The following KCNIP4 variants were observed in gnomAD, a reference collection of about 807,000 sequenced individuals.
The protein encoded by KCNIP4 is Kv channel-interacting protein 4.
KCNIP4 carries 12 observed loss-of-function variants against 34.0 expected under a neutral mutation model. The ratio of observed to expected loss-of-function variants is 0.35; its 90% CI spans 0.23 to 0.57. The LOEUF is 0.57. Among genes scored for constraint, KCNIP4 ranks in the 20% least tolerant of loss-of-function variants. KCNIP4 has a pLI of 0.83. For synonymous variants in KCNIP4, 124 were observed against 102.2 expected (o/e 1.21, Z -1.29); for missense variants, 238 against 311.7 (o/e 0.76, Z 1.78).
At chr4:21,569,702 G>C (rs1403898223) in intron 1 of KCNIP4, among the ~76,000 whole-genome samples, 2 of 152,036 alleles carry the variant, frequency 1.3e-5, no homozygotes, top group African/African-American at 2.4e-5. Flanking sequence ...TTGGTTACTC[G>C]GGTGATTAAA....
At chr4:21,238,008 G>A (rs1408993674) in intron 1 of KCNIP4, among the ~76,000 whole-genome samples, 3 of 152,066 alleles carry the variant, frequency 2.0e-5, no homozygotes, top group Non-Finnish European at 4.4e-5. Context: ...GAATCCAGCA[G>A]CACATCAAAA....
At chr4:21,103,710 A>C in intron 1 of KCNIP4, among the ~76,000 whole-genome samples, 1 of 148,988 alleles carries the variant, frequency 6.7e-6, no homozygotes, top group South Asian at 2.2e-4. Context: ...CATTAGGTAT[A>C]TCTCCTAATG....
intron 8 of KCNIP4, among the ~76,000 whole-genome samples, chr4:20,730,573 G>A (rs902588598): frequency 2.0e-5 from 3 of 151,676 alleles, no homozygotes; most frequent in Admixed American, 6.6e-5. Flanking sequence ...GGAGGCTGGC[G>A]CATAGGAGGC....
intron 1 of KCNIP4, among the ~76,000 whole-genome samples, chr4:21,785,610 T>TAAATAAATAAATAAATAGATAAATA (rs1553931494): frequency 1.4e-5 from 2 of 147,570 alleles, no homozygotes; most frequent in African/African-American, 5.3e-5. Flanking sequence ...AATAAATAAA[T>TAAATAAATAAATAAATAGATAAATA]AAATAAAATA....
intron 1 of KCNIP4, among the ~76,000 whole-genome samples, chr4:21,647,596 A>G (rs1235910000): frequency 6.6e-6 from 1 of 152,198 alleles, no homozygotes. Flanking sequence ...CACATCACAC[A>G]TCACAAAAAA....
chr4:21,786,765 A>G (rs6844002), intron 1 of KCNIP4, among the ~76,000 whole-genome samples: 17,302 of 151,798 alleles, frequency 0.11, 2,958 homozygotes, highest in African/African-American at 0.37. Flanking sequence ...ACGGGGTTTC[A>G]TCGTGTTAGC....
chr4:21,824,218 A>T (rs1722541432), intron 1 of KCNIP4, among the ~76,000 whole-genome samples: 1 of 152,168 alleles, frequency 6.6e-6, no homozygotes, highest in Non-Finnish European at 1.5e-5. Flanking sequence ...AACTTGGTTT[A>T]CAGTTTAATT....
chr4:21,691,126 T>C (rs1711583215), intron 1 of KCNIP4, among the ~76,000 whole-genome samples: 1 of 152,184 alleles, frequency 6.6e-6, no homozygotes, highest in African/African-American at 2.4e-5. Flanking sequence ...ATACCAGTGG[T>C]GAGTGAATAT....
chr4:21,056,239 T>C (rs1743388679), intron 1 of KCNIP4, among the ~76,000 whole-genome samples: 1 of 152,156 alleles, frequency 6.6e-6, no homozygotes, highest in Admixed American at 6.6e-5. Flanking sequence ...TCCACCATCT[T>C]TGTAGTAAAT....
At chr4:21,376,072 G>T (rs986791356) in intron 1 of KCNIP4, among the ~76,000 whole-genome samples, 1 of 152,100 alleles carries the variant, frequency 6.6e-6, no homozygotes, top group South Asian at 2.1e-4. Context: ...TCTTAAGTTT[G>T]GGAGGAAATG....
chr4:21,328,421 CAG>C (rs947731275), intron 1 of KCNIP4, among the ~76,000 whole-genome samples: 30 of 152,178 alleles, frequency 2.0e-4, no homozygotes, highest in African/African-American at 6.8e-4. Flanking sequence ...CTGAAACAAA[CAG>C]AGTCACTCTT....
intron 1 of KCNIP4, among the ~76,000 whole-genome samples, chr4:21,339,356 G>A (rs1578098538): frequency 2.0e-5 from 3 of 152,306 alleles, no homozygotes; most frequent in East Asian, 1.9e-4. Context: ...AGAATGACAG[G>A]TGGAATGATA....
chr4:21,216,398 G>A (rs918809629), intron 1 of KCNIP4, among the ~76,000 whole-genome samples: 2 of 152,176 alleles, frequency 1.3e-5, no homozygotes, highest in African/African-American at 4.8e-5. Context: ...CTAACTATAA[G>A]TGTGTTAATT....
At chr4:21,789,577 T>C (rs1335881183) in intron 1 of KCNIP4, among the ~76,000 whole-genome samples, 1 of 152,130 alleles carries the variant, frequency 6.6e-6, no homozygotes, top group Non-Finnish European at 1.5e-5. Context: ...CACAGAGGGG[T>C]GGAGGTTTAA....
At position 21,875,811 on chromosome 4, in the gene KCNIP4, A is replaced by AT. The variant is rs561397896; in HGVS notation, c.61+72759dup. Reference sequence around the variant, plus strand: ...TAAATGCTAATTTAATGTCAGATGCATTTTTTCTAATTGGCACGAGAAATG... The same window carrying AT: ...TAAATGCTAATTTAATGTCAGATGCATTTTTTTCTAATTGGCACGAGAAATG... On this transcript the variant is annotated intron_variant, in intron 1 of 8. Transcript: ENST00000382152. Among the ~76,000 whole-genome samples the AT allele has an allele frequency of 9.1e-4, 139 of 152,270 alleles. No homozygotes were observed. In the East Asian group the frequency reaches 0.019, roughly 21 times the overall value.
chr4:21,438,775 T>A (rs1410955262), intron 1 of KCNIP4, among the ~76,000 whole-genome samples: 1 of 152,192 alleles, frequency 6.6e-6, no homozygotes. Context: ...TCATTTGAGG[T>A]TATAACTTAG....
At chr4:21,799,929 T>C (rs1241576399) in intron 1 of KCNIP4, among the ~76,000 whole-genome samples, 1 of 152,168 alleles carries the variant, frequency 6.6e-6, no homozygotes, top group Non-Finnish European at 1.5e-5. Flanking sequence ...CAGAGTTGAG[T>C]AGTTGTGACC....
At chr4:21,636,158 A>C in intron 1 of KCNIP4, among the ~76,000 whole-genome samples, 1 of 77,618 alleles carries the variant, frequency 1.3e-5, no homozygotes, top group East Asian at 4.4e-4. Context: ...GGGAGGGGGG[A>C]GGGATAGCAT....
At chr4:21,584,319 C>G (rs1741454710) in intron 1 of KCNIP4, among the ~76,000 whole-genome samples, 1 of 151,890 alleles carries the variant, frequency 6.6e-6, no homozygotes, top group Admixed American at 6.6e-5. Flanking sequence ...AAAATGTAAT[C>G]AGGTTTTAAT....
Sources: allele counts gnomAD v4.1 joint callset (sites outside exome capture counted in the v4.1 genomes callset), GRCh38; gene constraint gnomAD v4.1.1; transcripts MANE v1.5; gene names NCBI Gene and HGNC (gene_info 2026-07-23, HGNC 2026-07-21).